The following ULK1 variants were observed in gnomAD, a reference collection of about 807,000 sequenced individuals.
ULK1 encodes the protein serine/threonine-protein kinase ULK1.
Under a neutral mutation model 117.5 loss-of-function variants are expected in ULK1, and 48 were observed. The observed-to-expected ratio is 0.41, with a 90% CI of 0.32 to 0.52. The LOEUF (loss-of-function observed/expected upper bound fraction) is 0.52, where lower values mean the gene tolerates loss of function less well. Among genes scored for constraint, ULK1 ranks in the 20% least tolerant of loss-of-function variants. The probability of loss-of-function intolerance (pLI) is 0.29; values close to 1 mark genes in which losing one functional copy is unlikely to be tolerated. For synonymous variants in ULK1, 790 were observed against 637.8 expected (o/e 1.24, Z -3.60); for missense variants, 1,387 against 1,473.4 (o/e 0.94, Z 0.96).
chr12:131,895,210 C>T, intron 1 of ULK1, 98 bp downstream of exon 1: 1 of 921,076 alleles, frequency 1.1e-6, no homozygotes, highest in Non-Finnish European at 1.5e-6. Context: ...CCCCCCACGC[C>T]TCCCGAGAGC....
chr12:131,916,614 G>A, intron 20 of ULK1, 23 bp downstream of exon 20: 2 of 1,537,134 alleles, frequency 1.3e-6, no homozygotes, highest in Non-Finnish European at 1.7e-6. Context: ...GACAGGCCTT[G>A]GACGGGCTTC....
chr12:131,901,176 T>C (rs1467058170), intron 3 of ULK1, among the ~76,000 whole-genome samples: 1 of 151,330 alleles, frequency 6.6e-6, no homozygotes, highest in Non-Finnish European at 1.5e-5. Flanking sequence ...CTGGCCAACA[T>C]GGCAAAACCC....
intron 4 of ULK1, 126 bp downstream of exon 4, chr12:131,907,050 A>AT: frequency 7.6e-7 from 1 of 1,314,738 alleles, no homozygotes; most frequent in Non-Finnish European, 1.1e-6. Context: ...ATGGAGTCTC[A>AT]CTGTCGCCCA....
intron 25 of ULK1, 88 bp from the exon 26 acceptor site, chr12:131,919,891 C>T: frequency 1.3e-6 from 2 of 1,523,218 alleles, no homozygotes; most frequent in Non-Finnish European, 1.8e-6. Context: ...GAGGGACGTG[C>T]TCGCTCAGTG....
intron 26 of ULK1, 130 bp downstream of exon 26, chr12:131,920,266 A>G: frequency 1.6e-6 from 2 of 1,254,092 alleles, no homozygotes; most frequent in Non-Finnish European, 2.2e-6. Context: ...AGGTCTTGAA[A>G]TGACAGCATT....
chr12:131,913,721 C>T (rs1478937463), intron 14 of ULK1, 26 bp from the exon 15 acceptor site: 3 of 1,451,506 alleles, frequency 2.1e-6, no homozygotes, highest in Non-Finnish European at 1.8e-6. Flanking sequence ...CAAAAAAATG[C>T]CCTTGGCCTC....
chr12:131,918,114 G>A (rs986009368), intron 22 of ULK1, among the ~76,000 whole-genome samples: 19 of 152,212 alleles, frequency 1.2e-4, no homozygotes, highest in African/African-American at 3.6e-4. Flanking sequence ...TGCCCTTTGA[G>A]GTCCTTTTGG....
At chr12:131,899,076 GC>G (rs1187302332) in intron 3 of ULK1, among the ~76,000 whole-genome samples, 1 of 149,296 alleles carries the variant, frequency 6.7e-6, no homozygotes, top group Non-Finnish European at 1.5e-5. Context: ...TACAATTTTC[GC>G]CACATTGGCC....
At chr12:131,913,518 A>G (rs1593269516) in intron 14 of ULK1, among the ~76,000 whole-genome samples, 1 of 151,810 alleles carries the variant, frequency 6.6e-6, no homozygotes, top group African/African-American at 2.4e-5. Context: ...ACATGGTGAA[A>G]CCCCGTCTCT....
chr12:131,909,130 C>T lies in ULK1; in HGVS notation c.565-6C>T. 2 of 1,604,598 alleles carry T rather than the reference C, an allele frequency of 1.2e-6. No homozygotes were observed. The highest frequency in any genetic ancestry group is 1.7e-6 in the Non-Finnish European group (2 of 1,176,344). ...CCTCACACTGACCCGACTTCTGGTC[C>T]CGCAGGCCCCCGAGGTCATCATGTC... On this transcript the variant is annotated splice_region_variant and splice_polypyrimidine_tract_variant and intron_variant, in intron 7 of 27. Transcript: ENST00000321867.
intron 25 of ULK1, 122 bp downstream of exon 25, chr12:131,919,712 CCCCGGGGCCTGGCCCAGTGT>C: frequency 8.0e-7 from 1 of 1,244,028 alleles, no homozygotes; most frequent in Admixed American, 1.8e-5. Flanking sequence ...GGTGCAGAGG[CCCCGGGGCCTGGCCCAGTGT>C]GCAGAGCACA....
intron 25 of ULK1, 189 bp from the exon 26 acceptor site, chr12:131,919,790 A>G: frequency 9.6e-7 from 1 of 1,039,798 alleles, no homozygotes; most frequent in East Asian, 2.6e-5. Flanking sequence ...TGCAGAGCAC[A>G]GAGGCCGTGG....
At chr12:131,901,091 G>A (rs1889068329) in intron 3 of ULK1, among the ~76,000 whole-genome samples, 1 of 151,796 alleles carries the variant, frequency 6.6e-6, no homozygotes, top group Admixed American at 6.6e-5. Context: ...GGGCACAGTG[G>A]CTCACGCCTG....
At chr12:131,898,626 C>T (rs1385784685) in intron 3 of ULK1, among the ~76,000 whole-genome samples, 2 of 151,844 alleles carry the variant, frequency 1.3e-5, no homozygotes, top group Non-Finnish European at 2.9e-5. Flanking sequence ...CTCAGCCTCC[C>T]GAGTAGCTGG....
rs751078125 is a variant in ULK1 at position 131,913,739 on chromosome 12, C to T, written c.1158-8C>T. On this transcript the variant is annotated splice_polypyrimidine_tract_variant and splice_region_variant and intron_variant, in intron 14 of 27. Coordinates refer to ENST00000321867, the MANE Select transcript of ULK1 (RefSeq NM_003565.4). ...AAAAATGCCCTTGGCCTCCCTTCTG[C>T]CCCACAGGAGCTCACTGGTGGCCTC... 8 of 1,512,138 alleles carry T rather than the reference C, an allele frequency of 5.3e-6. No homozygotes were observed. Among genetic ancestry groups the T allele is most frequent in the African/African-American group, 2.9e-5 (2 of 69,450 alleles). 93.7% of individuals were successfully genotyped at this position (1,512,138 alleles called of 1,614,324 possible).
chr12:131,896,039 G>A (rs1010640325), intron 3 of ULK1, among the ~76,000 whole-genome samples: 33 of 152,196 alleles, frequency 2.2e-4, no homozygotes, highest in African/African-American at 7.5e-4. Context: ...GGGCCGCAGG[G>A]CGCCCCAGGG....
In ULK1 at chr12:131,909,108, C is replaced by T. The variant is rs769242645; in HGVS notation, c.565-28C>T. On this transcript the variant is annotated intron_variant, in intron 7 of 27. Coordinates refer to ENST00000321867, the MANE Select transcript of ULK1 (RefSeq NM_003565.4). ...TTCTGTGGTTGGCGTGCGGGGGCCT[C>T]ACACTGACCCGACTTCTGGTCCCGC... is the stretch of plus-strand genomic sequence containing the variant. The T allele has an allele frequency of 9.4e-6, 15 of 1,600,206 alleles. No individual in the cohort carries two copies. The Admixed American group carries it at 2.1e-4, about 22-fold the overall frequency.
chr12:131,908,785 G>A lies in ULK1; in HGVS notation c.458G>A (p.Arg153His), dbSNP rs1043850542. ...NILLSNPAGRRANPNSIRVKI... is the reference protein window; with the variant it reads ...NILLSNPAGRHANPNSIRVKI... ...CTGCTGTCCAACCCCGCCGGCCGCCGCGCCAACCCCAACAGCATCCGCGTC... is the reference window on the plus strand; with the variant it reads ...CTGCTGTCCAACCCCGCCGGCCGCCACGCCAACCCCAACAGCATCCGCGTC... The change falls in exon 6 of 28, where the codon CGC becomes CAC. Residue 153 changes from arginine (R) to histidine (H), a missense_variant. Physicochemically the swap from Arg to His is conservative, Grantham distance 29 (BLOSUM62 0). Around this residue, in one of 4 missense-constraint regions of ULK1, gnomAD observed 224 missense variants for 325.2 expected, o/e 0.69. Coordinates refer to ENST00000321867, the MANE Select transcript of ULK1 (RefSeq NM_003565.4). 3 of 1,607,060 alleles carry A rather than the reference G, an allele frequency of 1.9e-6. No individual in the cohort carries two copies. Among genetic ancestry groups the A allele is most frequent in the Non-Finnish European group, 8.5e-7 (1 of 1,177,668 alleles).
chr12:131,918,473 C>T (rs1889958737), intron 22 of ULK1, 24 bp from the exon 23 acceptor site: 13 of 1,600,554 alleles, frequency 8.1e-6, no homozygotes, highest in Non-Finnish European at 1.0e-5. Context: ...TCCTGGTGTG[C>T]CCCTCATCGC....
Sources: gnomAD v4.1 joint callset for allele counts (sites outside exome capture counted in the v4.1 genomes callset) on GRCh38, gnomAD v4.1.1 for gene constraint, gnomAD v4.1.1 regional missense constraint, MANE v1.5 for transcripts, NCBI Gene and HGNC (gene_info 2026-07-23, HGNC 2026-07-21) for gene names.